Variants in CEP83 observed in about 807,000 individuals in gnomAD.
The protein encoded by CEP83 is centrosomal protein 83, also known as centrosomal protein of 83 kDa.
Under a neutral mutation model 101.9 loss-of-function variants are expected in CEP83, and 70 were observed. The observed-to-expected ratio is 0.69, with a 90% CI of 0.57 to 0.84. The LOEUF is 0.84. Ranked by LOEUF, CEP83 falls within the 40% of genes least tolerant of loss-of-function variation. The pLI is 0.00. For synonymous variants in CEP83, 264 were observed against 267.9 expected (o/e 0.99, Z 0.14); for missense variants, 715 against 787.2 (o/e 0.91, Z 1.10).
chr12:94,406,835 T>C (rs974128155), intron 4 of CEP83, among the ~76,000 whole-genome samples: 1 of 149,490 alleles, frequency 6.7e-6, no homozygotes, highest in Non-Finnish European at 1.5e-5. Context: ...GCTAAGGCAG[T>C]AGAATGGTAT....
At chr12:94,426,751 C>T (rs543995186) in intron 2 of CEP83, among the ~76,000 whole-genome samples, 1 of 151,988 alleles carries the variant, frequency 6.6e-6, no homozygotes, top group Non-Finnish European at 1.5e-5. Flanking sequence ...AAAACAATCA[C>T]ATGTATCCTT....
intron 11 of CEP83, among the ~76,000 whole-genome samples, chr12:94,355,221 C>CAGTG (rs1565973517): frequency 6.6e-6 from 1 of 151,944 alleles, no homozygotes; most frequent in Non-Finnish European, 1.5e-5. Flanking sequence ...AGGCCGGGCA[C>CAGTG]AGTGGCTCAC....
intron 6 of CEP83, among the ~76,000 whole-genome samples, chr12:94,382,285 T>C (rs532624699): frequency 2.6e-5 from 4 of 152,096 alleles, no homozygotes; most frequent in African/African-American, 9.6e-5. Flanking sequence ...AATTTTATTG[T>C]CTTTTCAAAG....
At chr12:94,300,896 C>T in the CEP83 span, 8 of 1,602,272 alleles carry the variant, frequency 5.0e-6, no homozygotes, top group Non-Finnish European at 6.8e-6. Context: ...AGAGATTATT[C>T]TCTCTTTGAA....
intron 11 of CEP83, among the ~76,000 whole-genome samples, chr12:94,360,277 G>A (rs2136920266): frequency 6.6e-6 from 1 of 152,130 alleles, no homozygotes; most frequent in East Asian, 1.9e-4. Flanking sequence ...CTCAGCCAAA[G>A]CAATTAGGCA....
chr12:94,304,590 T>C (rs1968808105), downstream of CEP83, among the ~76,000 whole-genome samples: 2 of 152,144 alleles, frequency 1.3e-5, no homozygotes. Context: ...CCCCCTTCCC[T>C]GATTCCCCCC....
chr12:94,333,356 G>T, intron 13 of CEP83, 126 bp downstream of exon 13: 1 of 731,104 alleles, frequency 1.4e-6, no homozygotes, highest in Non-Finnish European at 2.2e-6. Context: ...GTAGACCATT[G>T]TACACTATTA....
At chr12:94,442,314 T>C (rs2066470220) in intron 1 of CEP83, among the ~76,000 whole-genome samples, 1 of 147,930 alleles carries the variant, frequency 6.8e-6, no homozygotes, top group Non-Finnish European at 1.5e-5. Flanking sequence ...GAAGCTAAGC[T>C]ATGAGAATGC....
the CEP83 span, among the ~76,000 whole-genome samples, chr12:94,266,593 G>A: frequency 1.3e-5 from 2 of 152,176 alleles, no homozygotes; most frequent in Non-Finnish European, 2.9e-5. Context: ...ACAACTGTTG[G>A]TAGAGTGGTT....
chr12:94,269,617 TTC>T, the CEP83 span, among the ~76,000 whole-genome samples: 10 of 152,340 alleles, frequency 6.6e-5, no homozygotes, highest in East Asian at 1.7e-3. Context: ...GATTAAGTCA[TTC>T]TCTGTTACTT....
the CEP83 span, among the ~76,000 whole-genome samples, chr12:94,271,246 T>C: frequency 2.0e-5 from 3 of 152,228 alleles, no homozygotes; most frequent in African/African-American, 7.2e-5. Context: ...ATAAATTATC[T>C]TACAGTTACT....
At position 94,418,415 on chromosome 12, in the gene CEP83, T is replaced by C. The variant is rs149415620; in HGVS notation, c.-101-5824A>G. Among the ~76,000 whole-genome samples the C allele has an allele frequency of 1.2e-3, 184 of 152,000 alleles. 1 individual carries two copies. The highest frequency in any genetic ancestry group is 2.2e-3 in the Non-Finnish European group (148 of 67,978). On this transcript the variant is annotated intron_variant, in intron 2 of 16. Transcript: ENST00000397809. ...AAAATAAAAATATTAGATGAGCTCA[T>C]CAGCAGAAATAGAGAGGAAGAGGAA... is the stretch of plus-strand genomic sequence containing the variant.
chr12:94,277,967 G>C, the CEP83 span: 411,395 of 456,006 alleles, frequency 0.9, 186,125 homozygotes, highest in East Asian at 0.99. Flanking sequence ...CTGAGCCCTA[G>C]GCAAATCAGA....
the CEP83 span, among the ~76,000 whole-genome samples, chr12:94,297,985 C>G: frequency 6.6e-6 from 1 of 151,754 alleles, no homozygotes; most frequent in Non-Finnish European, 1.5e-5. Context: ...TTTTTTCCTC[C>G]CCCTCTGGAA....
intron 1 of CEP83, among the ~76,000 whole-genome samples, chr12:94,436,325 T>TA (rs1168744097): frequency 1.3e-3 from 169 of 129,214 alleles, no homozygotes; most frequent in Middle Eastern, 4.0e-3. Context: ...CTTGAACAAA[T>TA]AAAAAAAAAA....
rs760102696 is a variant in CEP83, at chr12:94,375,986, T to C, written c.833A>G (p.Glu278Gly). 8 of 1,564,264 alleles carry C rather than the reference T, an allele frequency of 5.1e-6. No individual in the cohort carries two copies. The East Asian group carries it at 1.6e-4, about 32-fold the overall frequency. The change falls in exon 8 of 17, where the codon GAA (glutamate) becomes GGA (glycine). Residue 278 changes from glutamate to glycine, a missense_variant. Physicochemically the swap from Glu to Gly is moderately conservative, Grantham distance 98 (BLOSUM62 -2). Coordinates refer to ENST00000397809, the MANE Select transcript of CEP83 (RefSeq NM_016122.3). Reference protein sequence around the residue: ...AEKQSANLRAERLEKELQSSS... With the variant: ...AEKQSANLRAGRLEKELQSSS... ...TGATTGTAGCTCTTTTTCCAAACGT[T>C]CTGCCCGTAAATTAGCTGATTGTTT... is the stretch of plus-strand genomic sequence containing the variant.
At chr12:94,298,246 C>T in the CEP83 span, among the ~76,000 whole-genome samples, 291 of 152,322 alleles carry the variant, frequency 1.9e-3, no homozygotes, top group African/African-American at 6.8e-3. Flanking sequence ...AGGAAAAATT[C>T]TGGGAACAGA....
chr12:94,294,549 T>C, the CEP83 span: 1 of 1,170,142 alleles, frequency 8.5e-7, no homozygotes, highest in Non-Finnish European at 1.3e-6. Context: ...AGGTAACCAA[T>C]ATAATATTGT....
chr12:94,378,391 A>G (rs955988416), intron 7 of CEP83, among the ~76,000 whole-genome samples: 2 of 152,190 alleles, frequency 1.3e-5, no homozygotes, highest in African/African-American at 4.8e-5. Context: ...TTCTGTTCAA[A>G]CAGGATTTGT....
Sources: gnomAD v4.1 joint callset for allele counts (sites outside exome capture counted in the v4.1 genomes callset) on GRCh38, gnomAD v4.1.1 for gene constraint, MANE v1.5 for transcripts, NCBI Gene and HGNC (gene_info 2026-07-23, HGNC 2026-07-21) for gene names.